The following CAMTA1 variants were observed in gnomAD, a reference collection of about 807,000 sequenced individuals.
The protein encoded by CAMTA1 is calmodulin-binding transcription activator 1.
In CAMTA1, 27 loss-of-function variants were observed where a neutral mutation model predicts 170.9. The ratio of observed to expected loss-of-function variants is 0.16; its 90% CI spans 0.12 to 0.22. The LOEUF (loss-of-function observed/expected upper bound fraction) is 0.22, where lower values mean the gene tolerates loss of function less well. Among genes scored for constraint, CAMTA1 ranks in the 10% least tolerant of loss-of-function variants. The probability of loss-of-function intolerance (pLI) is 1.00; values close to 1 mark genes in which losing one functional copy is unlikely to be tolerated. For synonymous variants in CAMTA1, 833 were observed against 891.5 expected (o/e 0.93, Z 1.17); for missense variants, 1,619 against 2,217.2 (o/e 0.73, Z 5.42).
intron 3 of CAMTA1, chr1:6,886,337 T>TAAAAAAA (rs34059893): frequency 2.3e-6 from 1 of 438,262 alleles, no homozygotes; most frequent in African/African-American, 2.1e-5. Flanking sequence ...TATTTTATGT[T>TAAAAAAA]AAAAAAAATG....
At chr1:7,636,062 C>A (rs2095709766) in intron 6 of CAMTA1, among the ~76,000 whole-genome samples, 1 of 152,176 alleles carries the variant, frequency 6.6e-6, no homozygotes, top group Admixed American at 6.5e-5. Context: ...CACTTGGTCT[C>A]CTGGAACTGC....
chr1:7,405,441 G>A (rs1378391892), intron 5 of CAMTA1, among the ~76,000 whole-genome samples: 2 of 152,082 alleles, frequency 1.3e-5, no homozygotes. Flanking sequence ...CACGATCATG[G>A]CTCCCTTCAG....
chr1:6,930,527 T>G (rs2149371157), intron 3 of CAMTA1, among the ~76,000 whole-genome samples: 1 of 152,342 alleles, frequency 6.6e-6, no homozygotes, highest in East Asian at 1.9e-4. Context: ...TCCAGCCTCC[T>G]GGGTTTGCGC....
chr1:7,408,902 G>A (rs2149247307), intron 5 of CAMTA1, among the ~76,000 whole-genome samples: 1 of 152,260 alleles, frequency 6.6e-6, no homozygotes, highest in South Asian at 2.1e-4. Flanking sequence ...ACCCCTTGGT[G>A]CCTGTCTGCT....
At chr1:6,937,919 C>T (rs1419279117) in intron 3 of CAMTA1, among the ~76,000 whole-genome samples, 3 of 152,242 alleles carry the variant, frequency 2.0e-5, no homozygotes, top group Non-Finnish European at 2.9e-5. Context: ...ACCACTACCA[C>T]CTCACTTAAT....
chr1:7,310,679 TCTCTCTCTCTCTCTCTCTCTC>T (rs1180763251), intron 5 of CAMTA1, among the ~76,000 whole-genome samples: 1,310 of 18,686 alleles, frequency 0.07, 88 homozygotes, highest in East Asian at 0.22. Context: ...TTCCTTTCTT[TCTCTCTCTCTCTCTCTCTCTC>T]TCTTTCTTTC....
intron 5 of CAMTA1, among the ~76,000 whole-genome samples, chr1:7,376,221 T>C (rs982954909): frequency 1.3e-5 from 2 of 152,240 alleles, no homozygotes; most frequent in African/African-American, 2.4e-5. Context: ...GTTATGAATG[T>C]ATTTATTTTC....
intron 3 of CAMTA1, among the ~76,000 whole-genome samples, chr1:6,840,845 G>C (rs759444847): frequency 6.6e-6 from 1 of 152,188 alleles, no homozygotes; most frequent in Admixed American, 6.5e-5. Context: ...TGGAAGCCAG[G>C]AGAAGGACAT....
intron 5 of CAMTA1, among the ~76,000 whole-genome samples, chr1:7,437,134 C>T (rs988458249): frequency 6.6e-6 from 1 of 152,154 alleles, no homozygotes; most frequent in Non-Finnish European, 1.5e-5. Flanking sequence ...AGCAGAGGCC[C>T]TTCCCAGCCC....
At chr1:7,720,044 T>A (rs1180117248) in intron 11 of CAMTA1, among the ~76,000 whole-genome samples, 1 of 152,212 alleles carries the variant, frequency 6.6e-6, no homozygotes, top group Non-Finnish European at 1.5e-5. Context: ...AACTTTTTCT[T>A]CTCCTCTGGC....
At chr1:7,438,268 G>A (rs1383368365) in intron 5 of CAMTA1, among the ~76,000 whole-genome samples, 6 of 152,180 alleles carry the variant, frequency 3.9e-5, no homozygotes, top group African/African-American at 7.2e-5. Context: ...CGCACTGTCC[G>A]AGCGGCAGGT....
In CAMTA1 at chr1:6,987,140, G is replaced by A. The variant is rs78178029; in HGVS notation, c.235-104164G>A. On this transcript the variant is annotated intron_variant, in intron 3 of 22. Transcript: ENST00000303635. Reference sequence around the variant, plus strand: ...CACTGGGTAACTTTTAAAAACTAATGCCAGGGCCCACCCTCAGAGACTGTT... The same window carrying A: ...CACTGGGTAACTTTTAAAAACTAATACCAGGGCCCACCCTCAGAGACTGTT... Among the ~76,000 whole-genome samples, 745 of 150,288 alleles carry A rather than the reference G, an allele frequency of 5.0e-3. 10 individuals carry two copies. Among genetic ancestry groups the A allele is most frequent in the African/African-American group, 0.017 (696 of 40,762 alleles).
intron 20 of CAMTA1, 99 bp from the exon 21 acceptor site, chr1:7,752,360 C>T (rs995765728): frequency 1.6e-5 from 16 of 996,722 alleles, no homozygotes; most frequent in Middle Eastern, 3.0e-4. Flanking sequence ...CTTTGCTACA[C>T]GAACTGCTTA....
At chr1:7,505,528 C>T (rs1229954353) in intron 6 of CAMTA1, among the ~76,000 whole-genome samples, 2 of 152,162 alleles carry the variant, frequency 1.3e-5, no homozygotes, top group Non-Finnish European at 2.9e-5. Flanking sequence ...CCAGATGGGG[C>T]CGGGAGGGGA....
intron 6 of CAMTA1, among the ~76,000 whole-genome samples, chr1:7,536,478 A>C (rs540064172): frequency 6.6e-6 from 1 of 152,216 alleles, no homozygotes; most frequent in African/African-American, 2.4e-5. Context: ...GTCTGTGACC[A>C]TTGGGTGTCC....
chr1:7,749,413 A>G (rs1031686427), intron 19 of CAMTA1, among the ~76,000 whole-genome samples: 4 of 152,190 alleles, frequency 2.6e-5, no homozygotes, highest in Non-Finnish European at 4.4e-5. Context: ...GTAGCTCTAT[A>G]GCAGGGAGCC....
chr1:7,046,927 C>G (rs1190911597), intron 3 of CAMTA1, among the ~76,000 whole-genome samples: 1 of 152,204 alleles, frequency 6.6e-6, no homozygotes, highest in African/African-American at 2.4e-5. Context: ...ATAGCCTTAG[C>G]ACTGAGAGTT....
At chr1:7,193,257 C>T (rs1481998598) in intron 4 of CAMTA1, among the ~76,000 whole-genome samples, 1 of 151,390 alleles carries the variant, frequency 6.6e-6, no homozygotes, top group African/African-American at 2.4e-5. Flanking sequence ...GAGCCTGAGG[C>T]AGGGAGAATT....
At chr1:7,451,602 G>A (rs571766615) in intron 5 of CAMTA1, among the ~76,000 whole-genome samples, 13 of 152,246 alleles carry the variant, frequency 8.5e-5, no homozygotes, top group African/African-American at 2.9e-4. Flanking sequence ...TGGGGAACTT[G>A]AAGCCTAGCC....
Sources: gnomAD v4.1 joint callset for allele counts (sites outside exome capture counted in the v4.1 genomes callset) on GRCh38, gnomAD v4.1.1 for gene constraint, MANE v1.5 for transcripts, NCBI Gene and HGNC (gene_info 2026-07-23, HGNC 2026-07-21) for gene names.